Variants in CSMD1 observed in about 807,000 individuals in gnomAD.
CSMD1 encodes CUB and Sushi multiple domains 1, also known as CUB and sushi domain-containing protein 1.
In CSMD1, 213 loss-of-function variants were observed where a neutral mutation model predicts 417.5. The ratio of observed to expected loss-of-function variants is 0.51; its 90% CI spans 0.46 to 0.57. CSMD1 has a LOEUF of 0.57. CSMD1 is among the 20% of genes least tolerant of loss of function. The pLI, the probability that CSMD1 is intolerant of heterozygous loss-of-function variation, is 0.00. For synonymous variants in CSMD1, 2,862 were observed against 1,736.8 expected, an observed-to-expected ratio of 1.65 and a Z score of -16.11; for missense variants, 6,923 against 4,529.7, an observed-to-expected ratio of 1.53 and a Z score of -15.17.
At chr8:4,809,334 G>C (rs1356222993) in intron 1 of CSMD1, among the ~76,000 whole-genome samples, 1 of 152,098 alleles carries the variant, frequency 6.6e-6, no homozygotes, top group African/African-American at 2.4e-5. Context: ...AGAGTTTCCG[G>C]TGTATCACCA....
At chr8:4,199,812 T>C (rs915372269) in intron 3 of CSMD1, among the ~76,000 whole-genome samples, 1 of 152,188 alleles carries the variant, frequency 6.6e-6, no homozygotes, top group South Asian at 2.1e-4. Context: ...ATGACTTTTG[T>C]AGGTTTCCAC....
intron 5 of CSMD1, among the ~76,000 whole-genome samples, chr8:3,987,483 A>T (rs562038229): frequency 1.3e-5 from 2 of 152,214 alleles, no homozygotes; most frequent in Non-Finnish European, 2.9e-5. Flanking sequence ...CTAGATGAGT[A>T]TCTTTAATCT....
intron 7 of CSMD1, among the ~76,000 whole-genome samples, chr8:3,675,893 C>G (rs1365630029): frequency 6.6e-6 from 1 of 152,168 alleles, no homozygotes; most frequent in Non-Finnish European, 1.5e-5. Context: ...TTCTGTCTTG[C>G]TGAAGTTCTC....
chr8:4,038,017 T>C (rs1415963868), intron 3 of CSMD1, among the ~76,000 whole-genome samples: 1 of 152,152 alleles, frequency 6.6e-6, no homozygotes, highest in African/African-American at 2.4e-5. Context: ...ATTCCCACAC[T>C]TGGTAAAAAG....
intron 12 of CSMD1, among the ~76,000 whole-genome samples, chr8:3,449,156 G>A (rs757672083): frequency 3.9e-5 from 6 of 152,154 alleles, no homozygotes; most frequent in African/African-American, 7.2e-5. Flanking sequence ...TTGAGTTTGC[G>A]TCTTGAAATT....
intron 3 of CSMD1, among the ~76,000 whole-genome samples, chr8:4,301,446 C>T (rs10866966): frequency 0.75 from 113,429 of 152,148 alleles, 42,530 homozygotes; most frequent in East Asian, 0.85. Flanking sequence ...CCTGTAACAA[C>T]TCTTCAGAGA....
chr8:3,652,570 G>C (rs1797910839), intron 7 of CSMD1, among the ~76,000 whole-genome samples: 1 of 152,200 alleles, frequency 6.6e-6, no homozygotes, highest in Non-Finnish European at 1.5e-5. Flanking sequence ...ATGCAAAGGA[G>C]AAGCAAAGGC....
At chr8:3,246,934 GA>G in intron 26 of CSMD1, among the ~76,000 whole-genome samples, 1 of 152,282 alleles carries the variant, frequency 6.6e-6, no homozygotes, top group South Asian at 2.1e-4. Context: ...AAGTGTTTTA[GA>G]AAGCTTACAA....
At chr8:4,128,779 C>T (rs1802915912) in intron 3 of CSMD1, among the ~76,000 whole-genome samples, 1 of 152,122 alleles carries the variant, frequency 6.6e-6, no homozygotes, top group Non-Finnish European at 1.5e-5. Flanking sequence ...ACCATCAACT[C>T]ATCCTTGCTG....
chr8:3,466,315 G>A (rs1306321542), intron 12 of CSMD1, among the ~76,000 whole-genome samples: 2 of 152,100 alleles, frequency 1.3e-5, no homozygotes, highest in African/African-American at 4.8e-5. Context: ...TCCAGAGCCT[G>A]TGTTCCTAAC....
At chr8:4,310,327 C>A (rs1054187731) in intron 3 of CSMD1, among the ~76,000 whole-genome samples, 1 of 152,096 alleles carries the variant, frequency 6.6e-6, no homozygotes, top group Non-Finnish European at 1.5e-5. Context: ...GAAAAGGCCT[C>A]CACACTGGAA....
chr8:3,576,428 T>A (rs1182779601), intron 9 of CSMD1, among the ~76,000 whole-genome samples: 7 of 152,172 alleles, frequency 4.6e-5, no homozygotes, highest in Non-Finnish European at 1.0e-4. Flanking sequence ...TGCATTTACC[T>A]GTCCCTCCTC....
chr8:4,926,613 G>T (rs964959830), intron 1 of CSMD1, among the ~76,000 whole-genome samples: 1 of 152,288 alleles, frequency 6.6e-6, no homozygotes, highest in African/African-American at 2.4e-5. Flanking sequence ...GGAATAAAAA[G>T]CATGTATATA....
intron 33 of CSMD1, among the ~76,000 whole-genome samples, chr8:3,195,065 G>C (rs1796628552): frequency 1.3e-5 from 2 of 152,168 alleles, no homozygotes; most frequent in South Asian, 4.1e-4. Context: ...TGGTGTGACT[G>C]TGTGATCTGG....
chr8:4,451,570 A>C (rs1247502135), intron 2 of CSMD1, among the ~76,000 whole-genome samples: 6 of 152,156 alleles, frequency 3.9e-5, no homozygotes, highest in Non-Finnish European at 7.3e-5. Flanking sequence ...GATAGAGTGA[A>C]GACAAAGAAA....
In CSMD1 at chr8:4,965,536, CA is replaced by C. The variant is rs568173509; in HGVS notation, c.85+28795del. The stretch of plus-strand genomic sequence containing the variant: ...TCGCAATGGGGCATGTGGCCCTGGC[CA>C]AACTGTTTAACATCTTTCAGAACCA... On this transcript the variant is annotated intron_variant, in intron 1 of 69. Coordinates refer to ENST00000635120, the MANE Select transcript of CSMD1 (RefSeq NM_033225.6). Among the ~76,000 whole-genome samples, 32 of 152,302 alleles carry C rather than the reference CA, an allele frequency of 2.1e-4. 2 individuals carry two copies. In the South Asian group the frequency reaches 6.4e-3, roughly 31 times the overall value.
chr8:3,137,802 G>C (rs555727175), intron 41 of CSMD1, among the ~76,000 whole-genome samples: 8 of 152,312 alleles, frequency 5.3e-5, no homozygotes, highest in Admixed American at 4.6e-4. Flanking sequence ...AGAATATTCT[G>C]ATCTCTAGTG....
intron 41 of CSMD1, among the ~76,000 whole-genome samples, chr8:3,130,059 G>A (rs1477222984): frequency 1.3e-5 from 2 of 152,090 alleles, no homozygotes; most frequent in Non-Finnish European, 2.9e-5. Flanking sequence ...GCAAGTGCTT[G>A]GTGTCAACTG....
intron 52 of CSMD1, among the ~76,000 whole-genome samples, chr8:3,015,573 A>T (rs1808762385): frequency 6.6e-6 from 1 of 152,052 alleles, no homozygotes; most frequent in Non-Finnish European, 1.5e-5. Flanking sequence ...AACAAAAAAA[A>T]GGACCCAAAC....
Sources: allele counts gnomAD v4.1 joint callset (sites outside exome capture counted in the v4.1 genomes callset), GRCh38; gene constraint gnomAD v4.1.1; transcripts MANE v1.5; gene names NCBI Gene and HGNC (gene_info 2026-07-23, HGNC 2026-07-21).